CTC1: variants seen among roughly 807,000 people sequenced by gnomAD.
CTC1 encodes the protein CST complex subunit CTC1.
In CTC1, 91 loss-of-function variants were observed where a neutral mutation model predicts 136.3. That is an observed-to-expected ratio of 0.67 (90% CI 0.56 to 0.79). The LOEUF (loss-of-function observed/expected upper bound fraction) is 0.79. Ranked by LOEUF, CTC1 falls within the 30% of genes least tolerant of loss-of-function variation. CTC1 has a pLI of 0.00. For missense variants in CTC1, 1,432 were observed against 1,498.1 expected (o/e 0.96, Z 0.73); for synonymous variants, 606 against 613.8 (o/e 0.99, Z 0.19).
intron 1 of CTC1, among the ~76,000 whole-genome samples, chr17:8,245,803 G>A (rs540753732): frequency 3.3e-5 from 5 of 151,976 alleles, no homozygotes; most frequent in Non-Finnish European, 5.9e-5. Flanking sequence ...ATGGTGGCTC[G>A]TGCCTGTAGT....
At position 8,234,903 on chromosome 17, in the gene CTC1, T is replaced by C. The variant is rs1179892206; in HGVS notation, c.1463A>G (p.His488Arg). 6.2e-7 allele frequency: 1 copy of C among 1,606,508 alleles called. No homozygotes were observed. The highest frequency in any genetic ancestry group is 8.5e-7 in the Non-Finnish European group (1 of 1,176,102). ...AGAGGAATGTTGCAGGAACTGGTGGTGTCTCAGCACATGGGGACACAGCCT... is the reference window on the plus strand; with the variant it reads ...AGAGGAATGTTGCAGGAACTGGTGGCGTCTCAGCACATGGGGACACAGCCT... ...ACKLCPHVLR[H>R]HQFLQHSSPG... Residue 488 changes from histidine to arginine, a missense_variant, in exon 9 of 23, where the codon CAC (histidine) becomes CGC (arginine). Coordinates refer to ENST00000651323, the MANE Select transcript of CTC1 (RefSeq NM_025099.6).
Position 8,237,435 on chromosome 17 carries a change from G to C in CTC1, c.732C>G (p.Tyr244Ter). ...GTGATCTACCAAGAGACAGGATGAAGTAAGCTTTCTGTTTACTTTTCACCA... is the reference window on the plus strand; with the variant it reads ...GTGATCTACCAAGAGACAGGATGAACTAAGCTTTCTGTTTACTTTTCACCA... ...SALVKSKQKA[Y>*]FILSLGRSHP... Residue 244 changes from tyrosine to a stop codon, truncating the protein, a stop_gained, in exon 5 of 23, where the codon TAC becomes TAG. Transcript: ENST00000651323. LOFTEE classifies it high-confidence loss of function. 2 of 1,613,972 alleles carry C rather than the reference G, an allele frequency of 1.2e-6. No homozygotes were observed. The highest frequency in any genetic ancestry group is 1.7e-6 in the Non-Finnish European group (2 of 1,179,962).
rs761792949 is a variant in CTC1 at position 8,234,736 on chromosome 17, C to T, written c.1617+13G>A. 16 of 1,582,396 alleles carry T rather than the reference C, an allele frequency of 1.0e-5. No homozygotes were observed. The highest frequency in any genetic ancestry group is 2.7e-5 in the African/African-American group (2 of 74,168). On this transcript the variant is annotated intron_variant, in intron 9 of 22. Transcript: ENST00000651323. ...CAGTGTTCTGCCACCATCCTTCCCC[C>T]ACATCCTCATACTTTCTGGAGGGGA...
rs779906449 is a variant in CTC1 at position 8,229,375 on chromosome 17, G to A, written c.3083C>T (p.Ser1028Phe). The A allele has an allele frequency of 5.9e-5, 95 of 1,614,102 alleles. No individual in the cohort carries two copies. Among genetic ancestry groups the A allele is most frequent in the Non-Finnish European group, 4.2e-6 (5 of 1,180,040 alleles). ...GCTGAAGACAGAGACGATATGGCAA[G>A]AGGCAGTGGCCTGGAATGGGGACTG... ...GGQSPFQATASCHIVSVFSLQ... is the reference protein window; with the variant it reads ...GGQSPFQATAFCHIVSVFSLQ... The change falls in exon 19 of 23, where the codon TCT becomes TTT. Residue 1028 changes from serine (S) to phenylalanine (F), a missense_variant. Transcript: ENST00000651323.
chr17:8,243,222 T>C, intron 1 of CTC1, 74 bp from the exon 2 acceptor site: 2 of 1,419,022 alleles, frequency 1.4e-6, no homozygotes, highest in African/African-American at 2.9e-5. Flanking sequence ...AATAAAGGAC[T>C]AGAAAAAAAT....
chr17:8,232,781 T>G (rs557411502), intron 11 of CTC1, 125 bp downstream of exon 11: 7 of 1,264,908 alleles, frequency 5.5e-6, no homozygotes, highest in Admixed American at 4.2e-5. Flanking sequence ...CTCCCAGAAG[T>G]TGTTGATTGA....
Position 8,230,625 on chromosome 17 carries a change from G to A in CTC1, c.2696C>T (p.Ser899Phe). 6.2e-7 allele frequency: 1 copy of A among 1,614,174 alleles called. No individual in the cohort carries two copies. The highest frequency in any genetic ancestry group is 8.5e-7 in the Non-Finnish European group (1 of 1,180,016). The change falls in exon 16 of 23, where the codon TCC (serine) becomes TTC (phenylalanine). Residue 899 changes from serine to phenylalanine, a missense_variant. Ser to Phe is a radical substitution (Grantham distance 155). Transcript: ENST00000651323. ...TAGTGTCCGTGACAAAATCTCAGCGGAGAAAGACACCAAGGAATCTGTGAA... is the reference window on the plus strand; with the variant it reads ...TAGTGTCCGTGACAAAATCTCAGCGAAGAAAGACACCAAGGAATCTGTGAA... ...DNFTDSLVSF[S>F]AEILSRTLCE...
Position 8,225,272 on chromosome 17 carries a change from A to T in CTC1, c.*2908T>A, listed in dbSNP as rs890184202. 5 of 152,210 alleles carry T rather than the reference A, an allele frequency of 3.3e-5. No homozygotes were observed. Among genetic ancestry groups the T allele is most frequent in the African/African-American group, 1.2e-4 (5 of 41,416 alleles). The allele number at this position is 152,210 out of a possible 1,614,324, so 9.4% of individuals were successfully genotyped here. The stretch of plus-strand genomic sequence containing the variant: ...ACAGTGCCGTTAGTGCTGAAAGGGG[A>T]ACGTGCCTTGTTCATTTGGTTCTGC... On this transcript the variant is annotated 3_prime_UTR_variant, in exon 23 of 23. Transcript: ENST00000651323.
Position 8,225,090 on chromosome 17 carries a change from C to A in CTC1, c.*3090G>T, listed in dbSNP as rs560831052. The A allele has an allele frequency of 1.4e-4, 22 of 152,374 alleles. No homozygotes were observed. The highest frequency in any genetic ancestry group is 5.3e-4 in the African/African-American group (22 of 41,570). 9.4% of individuals were successfully genotyped at this position (152,374 alleles called of 1,614,324 possible). ...CAGGCTGCTGGTCTGGAACTCCTGA[C>A]CTCGTGATCCGCCCACCTTGGCCTC... On this transcript the variant is annotated 3_prime_UTR_variant, in exon 23 of 23. Transcript: ENST00000651323.
intron 4 of CTC1, among the ~76,000 whole-genome samples, 178 bp downstream of exon 4, chr17:8,237,853 A>G (rs372769551): frequency 1.3e-5 from 2 of 152,264 alleles, no homozygotes; most frequent in African/African-American, 4.8e-5. Flanking sequence ...TAGGTAAGGC[A>G]CAGATCCCTT....
Position 8,232,961 on chromosome 17 carries a change from C to G in CTC1, c.1890G>C (p.Leu630=), listed in dbSNP as rs765952322. Residue 630 remains leucine (L), a synonymous_variant, in exon 11 of 23, where the codon CTG becomes CTC. Coordinates refer to ENST00000651323, the MANE Select transcript of CTC1 (RefSeq NM_025099.6). ...AGTGCTTGGCCAGGAGCAGGCAGGGCAGGGAACCACTTTGGTCCCGAAGTT... is the reference window on the plus strand; with the variant it reads ...AGTGCTTGGCCAGGAGCAGGCAGGGGAGGGAACCACTTTGGTCCCGAAGTT... ...CLQLRDQSGS[L]PCLLLAKHSQ... 5 of 1,614,028 alleles carry G rather than the reference C, an allele frequency of 3.1e-6. No homozygotes were observed. The African/African-American group carries it at 5.3e-5, about 17-fold the overall frequency.
At chr17:8,230,738 A>G in intron 15 of CTC1, 87 bp from the exon 16 acceptor site, 1 of 1,110,056 alleles carries the variant, frequency 9.0e-7, no homozygotes, top group Admixed American at 1.9e-5. Context: ...AAATGGAGCT[A>G]AAGTATCTGC....
Position 8,231,332 on chromosome 17 carries a change from C to T in CTC1, c.2613G>A (p.Val871=), listed in dbSNP as rs750844010. The part of the protein sequence containing the change: ...ELESSQDIQD[V]LDANKSLPES... ...CAGGCAATGACTTGTTTGCATCCAG[C>T]ACATCTTGGATATCCTGGGAGCTTT... Residue 871 remains valine (V), a synonymous_variant, in exon 15 of 23, where the codon GTG becomes GTA. Transcript: ENST00000651323. 6.2e-7 allele frequency: 1 copy of T among 1,606,990 alleles called. No homozygotes were observed. Among genetic ancestry groups the T allele is most frequent in the Non-Finnish European group, 8.5e-7 (1 of 1,174,600 alleles).
In CTC1 at chr17:8,231,806, T is replaced by G; in HGVS notation, c.2395A>C (p.Ile799Leu). Residue 799 changes from isoleucine (I) to leucine (L), a missense_variant, in exon 14 of 23, where the codon ATT (isoleucine) becomes CTT (leucine). Coordinates refer to ENST00000651323, the MANE Select transcript of CTC1 (RefSeq NM_025099.6). ...CAGCGGACTGAAGAGCCAAAGAAAA[T>G]GAGGTGAACCTGGGAGGATGGAGAG... ...NDDNDQKVHL[I>L]FFGSSVRWFE... 6.2e-7 allele frequency: 1 copy of G among 1,614,092 alleles called. No individual in the cohort carries two copies. Among genetic ancestry groups the G allele is most frequent in the Non-Finnish European group, 8.5e-7 (1 of 1,180,004 alleles).
chr17:8,232,099 C>T lies in CTC1; in HGVS notation c.2189G>A (p.Ser730Asn). ...CTTGTGGCAGAGCAAGAAGAGCCGG[C>T]TCTGTCCTAGGTGGGGTCCCTCTGG... ...TGPEGPHLGQSRLFLLCHKEA... is the reference protein window; with the variant it reads ...TGPEGPHLGQNRLFLLCHKEA... Residue 730 changes from serine to asparagine, a missense_variant, in exon 13 of 23, where the codon AGC becomes AAC. Transcript: ENST00000651323. 1.9e-6 allele frequency: 3 copies of T among 1,548,572 alleles called. No homozygotes were observed. The highest frequency in any genetic ancestry group is 2.6e-6 in the Non-Finnish European group (3 of 1,153,092).
rs886457200 is a variant in CTC1 at position 8,227,066 on chromosome 17, C to G, written c.*1114G>C. ...TCTAACCAACTGAGCTAACCGGCCA[C>G]TAACTTTCCGGGTCTACTTCAAATC... On this transcript the variant is annotated 3_prime_UTR_variant, in exon 23 of 23. Coordinates refer to ENST00000651323, the MANE Select transcript of CTC1 (RefSeq NM_025099.6). The G allele has an allele frequency of 6.6e-6, 1 of 150,888 alleles. No individual in the cohort carries two copies. Among genetic ancestry groups the G allele is most frequent in the Non-Finnish European group, 1.5e-5 (1 of 68,030 alleles). 9.3% of individuals were successfully genotyped at this position (150,888 alleles called of 1,614,324 possible).
intron 2 of CTC1, among the ~76,000 whole-genome samples, chr17:8,242,550 AAAAATATAT>A (rs1221383078): frequency 7.7e-4 from 42 of 54,724 alleles, no homozygotes; most frequent in African/African-American, 1.7e-3. Flanking sequence ...AAAAAAAAAA[AAAAATATAT>A]ATATATATAT....
intron 1 of CTC1, 71 bp downstream of exon 1, chr17:8,247,933 G>C: frequency 6.6e-7 from 1 of 1,508,602 alleles, no homozygotes; most frequent in Non-Finnish European, 9.1e-7. Context: ...CAAGGCAGAG[G>C]AAATAGGAAG....
chr17:8,228,196 A>G lies in CTC1; in HGVS notation c.3638T>C (p.Leu1213Pro). ...ESEYSSSLGI[L>P]ASSC ...GCAGTTCAGTTAACAGGAGGAAGCA[A>G]GGATCCCCAGAGAGCTGGAGTACTC... Residue 1213 changes from leucine (L) to proline (P), a missense_variant, in exon 23 of 23, where the codon CTT (leucine) becomes CCT (proline). Physicochemically the swap from Leu to Pro is moderately conservative, Grantham distance 98 (BLOSUM62 -3). Coordinates refer to ENST00000651323, the MANE Select transcript of CTC1 (RefSeq NM_025099.6). 1 of 1,613,984 alleles carries G rather than the reference A, an allele frequency of 6.2e-7. No homozygotes were observed. The highest frequency in any genetic ancestry group is 8.5e-7 in the Non-Finnish European group (1 of 1,179,936).
Sources: gnomAD v4.1 joint callset for allele counts (sites outside exome capture counted in the v4.1 genomes callset) on GRCh38, gnomAD v4.1.1 for gene constraint, MANE v1.5 for transcripts, NCBI Gene and HGNC (gene_info 2026-07-23, HGNC 2026-07-21) for gene names.